The following ZNF263 variants were observed in gnomAD, a reference collection of about 807,000 sequenced individuals.
ZNF263 encodes the protein zinc finger protein 263.
In ZNF263, 49 loss-of-function variants were observed where a neutral mutation model predicts 63.1. The observed-to-expected ratio is 0.78, with a 90% CI of 0.62 to 0.99. The LOEUF is 0.99. ZNF263 is among the 50% of genes least tolerant of loss of function. The pLI is 0.00. For missense variants in ZNF263, 872 were observed against 854.8 expected (o/e 1.02, Z -0.25); for synonymous variants, 352 against 324.2 (o/e 1.09, Z -0.92).
At position 3,283,929 on chromosome 16, in the gene ZNF263, C is replaced by T. The variant is rs565839561; in HGVS notation, c.111C>T (p.Pro37=). The change falls in exon 1 of 6, where the codon CCC becomes CCT. Residue 37 remains proline, a synonymous_variant. Coordinates refer to ENST00000219069, the MANE Select transcript of ZNF263 (RefSeq NM_005741.5). ...ELPPPDPGPS[P]EASHLRFRRF... ...CCCCACCTGACCCAGGACCGAGCCC[C>T]GAGGCCTCCCACTTGCGCTTCAGAC... 1 of 1,613,604 alleles carries T rather than the reference C, an allele frequency of 6.2e-7. No individual in the cohort carries two copies. Among genetic ancestry groups the T allele is most frequent in the Non-Finnish European group, 8.5e-7 (1 of 1,179,912 alleles).
chr16:3,296,728 C>G (rs143153748), intron 1 of ZNF263, among the ~76,000 whole-genome samples: 46 of 152,230 alleles, frequency 3.0e-4, no homozygotes, highest in African/African-American at 1.1e-3. Context: ...GTGAAAATAT[C>G]AGCAATCACT....
chr16:3,290,114 C>G lies in ZNF263; in HGVS notation c.1608C>G (p.His536Gln). The G allele has an allele frequency of 1.2e-6, 2 of 1,613,822 alleles. No individual in the cohort carries two copies. Among genetic ancestry groups the G allele is most frequent in the Non-Finnish European group, 1.7e-6 (2 of 1,179,946 alleles). Residue 536 changes from histidine (H) to glutamine (Q), a missense_variant, in exon 6 of 6, where the codon CAC (histidine) becomes CAG (glutamine). By Grantham distance (24) the His-to-Gln change is conservative. Transcript: ENST00000219069. ...CTCGGAGTTCACACCTCGTCATTCA[C>G]GAAAGAACTCATGAGAGAGAGAGAC... The part of the protein sequence containing the change: ...SFSRSSHLVI[H>Q]ERTHERERLY...
chr16:3,294,572 G>A (rs1437840789), downstream of ZNF263, among the ~76,000 whole-genome samples: 3 of 152,098 alleles, frequency 2.0e-5, no homozygotes, highest in Admixed American at 6.5e-5. Flanking sequence ...TTGAAAGGGC[G>A]GTTAATATTT....
Position 3,283,553 on chromosome 16 carries a change from A to G in ZNF263, c.-266A>G, listed in dbSNP as rs1298514498. ...TCTGAGTCTTGCGTGGGTCCTCTAT[A>G]TAGGGTGAGAAGCGTGGCGCTCGGT... is the stretch of plus-strand genomic sequence containing the variant. On this transcript the variant is annotated 5_prime_UTR_variant, in exon 1 of 6. In the 5' UTR this introduces an upstream ATG that the reference lacks. Coordinates refer to ENST00000219069, the MANE Select transcript of ZNF263 (RefSeq NM_005741.5). The G allele has an allele frequency of 2.9e-6, 1 of 345,582 alleles. No individual in the cohort carries two copies. The allele number at this position is 345,582 out of a possible 1,614,324, so 21.4% of individuals were successfully genotyped here.
Position 3,283,907 on chromosome 16 carries a change from C to A in ZNF263, c.89C>A (p.Pro30Gln), listed in dbSNP as rs144448823. Residue 30 changes from proline to glutamine, a missense_variant, in exon 1 of 6, where the codon CCA becomes CAA. Coordinates refer to ENST00000219069, the MANE Select transcript of ZNF263 (RefSeq NM_005741.5). ...TGCGCCTGGAGCCAGGAGCTGCCCC[C>A]ACCTGACCCAGGACCGAGCCCCGAG... ...EDCAWSQELP[P>Q]PDPGPSPEAS... 9.9e-4 allele frequency: 1,591 copies of A among 1,612,414 alleles called. 1 individual carries two copies. In the Middle Eastern group the frequency reaches 0.01, roughly 11 times the overall value.
chr16:3,289,949 G>T lies in ZNF263; in HGVS notation c.1443G>T (p.Gln481His), dbSNP rs372353619. 6.2e-7 allele frequency: 1 copy of T among 1,614,054 alleles called. No individual in the cohort carries two copies. Among genetic ancestry groups the T allele is most frequent in the Non-Finnish European group, 8.5e-7 (1 of 1,180,046 alleles). ...GCAACTCCAACCTCCACAGGCACCA[G>T]AGAACGCACACTGGGGAGAAGCCCT... Reference protein sequence around the residue: ...FSCNSNLHRHQRTHTGEKPYK... With the variant: ...FSCNSNLHRHHRTHTGEKPYK... Residue 481 changes from glutamine to histidine, a missense_variant, in exon 6 of 6, where the codon CAG becomes CAT. By Grantham distance (24) the Gln-to-His change is conservative (BLOSUM62 0). Coordinates refer to ENST00000219069, the MANE Select transcript of ZNF263 (RefSeq NM_005741.5).
At chr16:3,291,491 C>G, downstream of ZNF263, 1 of 985,426 alleles carries the variant, frequency 1.0e-6, no homozygotes, top group Non-Finnish European at 1.2e-6. Context: ...AAGCCTCTGT[C>G]TAGACCCCCG....
downstream of ZNF263, among the ~76,000 whole-genome samples, chr16:3,294,257 A>G (rs1158554049): frequency 6.6e-6 from 1 of 152,208 alleles, no homozygotes; most frequent in Non-Finnish European, 1.5e-5. Flanking sequence ...AGAGTGATTC[A>G]TTACATTAAC....
At position 3,290,493 on chromosome 16, in the gene ZNF263, G is replaced by A; in HGVS notation, c.1987G>A (p.Glu663Lys). The change falls in exon 6 of 6, where the codon GAA becomes AAA. Residue 663 changes from glutamate (E) to lysine (K), a missense_variant. Glu to Lys is a moderately conservative substitution (Grantham distance 56, BLOSUM62 1). Transcript: ENST00000219069. Reference protein sequence around the residue: ...HTGERPYKCSECGESFSRSSR... With the variant: ...HTGERPYKCSKCGESFSRSSR... ...GGGAGAGAGACCCTATAAATGTTCT[G>A]AATGTGGAGAAAGCTTCTCTCGGAG... 1 of 1,614,014 alleles carries A rather than the reference G, an allele frequency of 6.2e-7. No individual in the cohort carries two copies. The highest frequency in any genetic ancestry group is 1.1e-5 in the South Asian group (1 of 91,058).
chr16:3,289,245 G>C (rs2150773770), intron 5 of ZNF263, 148 bp from the exon 6 acceptor site: 2 of 742,688 alleles, frequency 2.7e-6, no homozygotes, highest in Non-Finnish European at 2.1e-6. Flanking sequence ...TGCTTCTCCA[G>C]AGTGCTTTAC....
chr16:3,299,394 T>C, intron 2 of ZNF263: 1 of 1,554,770 alleles, frequency 6.4e-7, no homozygotes, highest in East Asian at 2.3e-5. Flanking sequence ...CATATTCAGG[T>C]TCCTTTTTGT....
intron 2 of ZNF263, chr16:3,299,215 TCTC>T (rs764563510): frequency 1.3e-5 from 21 of 1,605,708 alleles, no homozygotes; most frequent in East Asian, 4.5e-5. Flanking sequence ...CTTCTCAGCT[TCTC>T]CTCCTTTTTG....
rs767388922 is a variant in ZNF263 at position 3,299,410 on chromosome 16, A to T, written c.*46+254A>T. On this transcript the variant is annotated intron_variant, in intron 2 of 2. Coordinates refer to the ZNF263 transcript ENST00000574674. ...ATATTCAGGTTCCTTTTTGTAAAGA[A>T]GATTTTCCCATGCATTTGCTATGGT... is the stretch of plus-strand genomic sequence containing the variant. 2 of 1,555,210 alleles carry T rather than the reference A, an allele frequency of 1.3e-6. No individual in the cohort carries two copies. Among genetic ancestry groups the T allele is most frequent in the Non-Finnish European group, 8.7e-7 (1 of 1,152,034 alleles).
downstream of ZNF263, among the ~76,000 whole-genome samples, chr16:3,293,763 A>C (rs1363281456): frequency 2.6e-5 from 4 of 152,254 alleles, no homozygotes; most frequent in Non-Finnish European, 4.4e-5. Context: ...AGCAATGACA[A>C]CAAAGCCAGA....
chr16:3,297,654 C>T (rs575495206), intron 1 of ZNF263, among the ~76,000 whole-genome samples: 8 of 151,238 alleles, frequency 5.3e-5, no homozygotes, highest in Non-Finnish European at 1.2e-4. Flanking sequence ...TTAGTAGAAA[C>T]GGGGTTTCAC....
chr16:3,289,688 T>A lies in ZNF263; in HGVS notation c.1182T>A (p.Ile394=). 1 of 1,614,182 alleles carries A rather than the reference T, an allele frequency of 6.2e-7. No individual in the cohort carries two copies. The highest frequency in any genetic ancestry group is 2.2e-5 in the East Asian group (1 of 44,888). ...GKNFSNNSNL[I]RHQRIHAAER... ...ATTTCTCTAACAACTCAAACCTAAT[T>A]AGGCACCAGAGAATACATGCAGCTG... is the stretch of plus-strand genomic sequence containing the variant. Residue 394 remains isoleucine (I), a synonymous_variant, in exon 6 of 6, where the codon ATT becomes ATA. Coordinates refer to ENST00000219069, the MANE Select transcript of ZNF263 (RefSeq NM_005741.5).
Position 3,283,839 on chromosome 16 carries a change from C to T in ZNF263, c.21C>T (p.Ser7=), listed in dbSNP as rs1426278026. Reference sequence around the variant, plus strand: ...TGACGATGGCGTCGGGCCCGGGCTCCCAGGAACGGGAAGGGCTCCTGATAG... The same window carrying T: ...TGACGATGGCGTCGGGCCCGGGCTCTCAGGAACGGGAAGGGCTCCTGATAG... MASGPG[S]QEREGLLIVK... The change falls in exon 1 of 6, where the codon TCC becomes TCT. Residue 7 remains serine, a synonymous_variant. Transcript: ENST00000219069. 4 of 1,581,736 alleles carry T rather than the reference C, an allele frequency of 2.5e-6. No individual in the cohort carries two copies. The highest frequency in any genetic ancestry group is 2.6e-6 in the Non-Finnish European group (3 of 1,165,918).
At position 3,291,400 on chromosome 16, in the gene ZNF263, G is replaced by A. The variant is rs551100570; in HGVS notation, c.*842G>A. The A allele has an allele frequency of 1.1e-4, 104 of 985,428 alleles. No individual in the cohort carries two copies. The South Asian group carries it at 4.4e-3, about 41-fold the overall frequency. 61.0% of individuals were successfully genotyped at this position (985,428 alleles called of 1,614,324 possible). A position where few individuals can be genotyped will look rare whatever the true frequency, so the allele number is the denominator to read the frequency against. ...ATGTGAATCCTAGGGGGAAATTGGG[G>A]ATTGTGTCTTTCCCTGTTGAAAATG... On this transcript the variant is annotated 3_prime_UTR_variant, in exon 6 of 6. Transcript: ENST00000219069.
chr16:3,295,347 C>T (rs1055513626), downstream of ZNF263, among the ~76,000 whole-genome samples: 1 of 152,238 alleles, frequency 6.6e-6, no homozygotes, highest in African/African-American at 2.4e-5. Context: ...GCCCAGACCC[C>T]TGGGGCCACG....
Sources: gnomAD v4.1 joint callset for allele counts (sites outside exome capture counted in the v4.1 genomes callset) on GRCh38, gnomAD v4.1.1 for gene constraint, MANE v1.5 for transcripts, NCBI Gene and HGNC (gene_info 2026-07-23, HGNC 2026-07-21) for gene names.